Variants in CCSER2 observed in about 807,000 individuals in gnomAD.
The protein encoded by CCSER2 is coiled-coil serine rich protein 2.
A neutral mutation model predicts 92.3 loss-of-function variants in CCSER2; 46 were observed. The observed-to-expected ratio is 0.50, with a 90% CI of 0.39 to 0.64. The LOEUF (loss-of-function observed/expected upper bound fraction) is 0.64, where lower values mean the gene tolerates loss of function less well. CCSER2 is among the 30% of genes least tolerant of loss of function. The probability of loss-of-function intolerance (pLI) is 0.00; values close to 1 mark genes in which losing one functional copy is unlikely to be tolerated. For missense variants in CCSER2, 1,244 were observed against 1,238.9 expected (o/e 1.00, Z -0.06); for synonymous variants, 433 against 431.4 (o/e 1.00, Z -0.04).
intron 3 of CCSER2, among the ~76,000 whole-genome samples, chr10:84,412,036 C>T (rs568219463): frequency 8.9e-4 from 136 of 152,176 alleles, no homozygotes; most frequent in Non-Finnish European, 1.6e-3. Flanking sequence ...TGAATTTTAT[C>T]GAGGGTCTTT....
At chr10:84,392,844 C>T (rs890189037) in intron 3 of CCSER2, among the ~76,000 whole-genome samples, 3 of 151,888 alleles carry the variant, frequency 2.0e-5, no homozygotes, top group South Asian at 2.1e-4. Context: ...ATTAATGTAG[C>T]GGATATAATT....
intron 9 of CCSER2, among the ~76,000 whole-genome samples, chr10:84,501,335 G>T (rs1848707189): frequency 6.6e-6 from 1 of 152,154 alleles, no homozygotes; most frequent in Non-Finnish European, 1.5e-5. Flanking sequence ...AAACAGCAAG[G>T]TTTGAGATTT....
chr10:84,435,106 G>T (rs1844026551), intron 5 of CCSER2, among the ~76,000 whole-genome samples: 2 of 152,162 alleles, frequency 1.3e-5, no homozygotes, highest in South Asian at 4.1e-4. Flanking sequence ...GAATCTCATG[G>T]TGGAGGTATT....
intron 9 of CCSER2, among the ~76,000 whole-genome samples, chr10:84,485,255 G>A (rs1382312585): frequency 3.9e-5 from 6 of 152,070 alleles, no homozygotes; most frequent in African/African-American, 9.7e-5. Context: ...TATAACTTGT[G>A]TAGTAACTGT....
chr10:84,377,311 T>C (rs1372759820), intron 3 of CCSER2, among the ~76,000 whole-genome samples: 1 of 152,186 alleles, frequency 6.6e-6, no homozygotes, highest in East Asian at 1.9e-4. Flanking sequence ...CTAAAAGCAT[T>C]ATTTATTTTT....
intron 9 of CCSER2, among the ~76,000 whole-genome samples, chr10:84,482,044 G>A (rs569851703): frequency 6.6e-6 from 1 of 152,164 alleles, no homozygotes; most frequent in African/African-American, 2.4e-5. Context: ...AAGCAGCCCT[G>A]GACCTAATGA....
intron 5 of CCSER2, among the ~76,000 whole-genome samples, chr10:84,427,288 A>G (rs1288658587): frequency 3.3e-5 from 5 of 152,070 alleles, no homozygotes; most frequent in African/African-American, 4.8e-5. Context: ...TGAAACTCTC[A>G]ATCTTTGGGG....
intron 3 of CCSER2, chr10:84,391,691 A>G: frequency 6.6e-7 from 1 of 1,523,512 alleles, no homozygotes. Flanking sequence ...GAATACAGCA[A>G]TAACGATTGG....
intron 9 of CCSER2, among the ~76,000 whole-genome samples, chr10:84,478,299 T>C (rs1847272164): frequency 6.6e-6 from 1 of 152,192 alleles, no homozygotes; most frequent in Admixed American, 6.5e-5. Context: ...TAGTGCAGGA[T>C]GTGTGTGAGC....
At chr10:84,457,533 A>G (rs1180829575) in intron 6 of CCSER2, among the ~76,000 whole-genome samples, 1 of 119,344 alleles carries the variant, frequency 8.4e-6, no homozygotes, top group East Asian at 2.1e-4. Context: ...TAATATATGT[A>G]TAATTATATA....
chr10:84,408,829 T>TA (rs1458903517), intron 3 of CCSER2, among the ~76,000 whole-genome samples: 2 of 152,096 alleles, frequency 1.3e-5, no homozygotes, highest in Non-Finnish European at 2.9e-5. Flanking sequence ...GTTTCACACA[T>TA]ACTCAGACAC....
rs1424390811 is a variant in CCSER2, at chr10:84,349,205, T to A, written c.-40+20397T>A. 2.6e-5 allele frequency among the ~76,000 whole-genome samples: 4 copies of A among 152,346 alleles called. No homozygotes were observed. The South Asian group carries it at 6.2e-4, about 24-fold the overall frequency. On this transcript the variant is annotated intron_variant, in intron 1 of 9. Coordinates refer to ENST00000372088, the MANE Select transcript of CCSER2 (RefSeq NM_001284240.2). The stretch of plus-strand genomic sequence containing the variant: ...TGGTGACTTAAAGTTGGATTCCTGT[T>A]TTGATCCACATCCATGCCTCCCACA...
intron 9 of CCSER2, among the ~76,000 whole-genome samples, chr10:84,494,977 C>CT (rs770775993): frequency 1.5e-3 from 180 of 122,578 alleles, no homozygotes; most frequent in Middle Eastern, 4.2e-3. Flanking sequence ...CTGATGTCTG[C>CT]TTTTTTTTTT....
At chr10:84,466,752 A>G (rs2133689743) in intron 7 of CCSER2, among the ~76,000 whole-genome samples, 1 of 150,790 alleles carries the variant, frequency 6.6e-6, no homozygotes, top group Non-Finnish European at 1.5e-5. Context: ...TGACCTCGTG[A>G]TCCGTCCGCC....
intron 1 of CCSER2, among the ~76,000 whole-genome samples, chr10:84,359,387 A>G (rs1438494091): frequency 2.0e-5 from 3 of 152,136 alleles, no homozygotes; most frequent in Non-Finnish European, 4.4e-5. Context: ...TAATTACGAT[A>G]ATAGGGGTTA....
chr10:84,424,281 T>TAAA (rs1244434863), intron 4 of CCSER2, among the ~76,000 whole-genome samples: 18 of 141,438 alleles, frequency 1.3e-4, no homozygotes, highest in Admixed American at 1.2e-3. Context: ...TAACTGAACT[T>TAAA]AAAAAAAAAA....
chr10:84,447,802 G>A (rs779161742), intron 6 of CCSER2, among the ~76,000 whole-genome samples: 3 of 152,018 alleles, frequency 2.0e-5, no homozygotes, highest in Non-Finnish European at 2.9e-5. Flanking sequence ...TGAAGAGTTC[G>A]TTTCTTTTGT....
rs1198483875 is a variant in CCSER2, at chr10:84,335,226, CTCTTTTTTTTTTT to C, written c.-40+6420_-40+6432del. Among the ~76,000 whole-genome samples the C allele has an allele frequency of 2.6e-3, 244 of 95,078 alleles. 4 individuals are homozygous for C. Among genetic ancestry groups the C allele is most frequent in the Middle Eastern group, 0.021 (3 of 140 alleles). The allele number at this position is 95,078 out of a possible 152,430, so 62.4% of individuals were successfully genotyped here. A position where few individuals can be genotyped will look rare whatever the true frequency, so the allele number is the denominator to read the frequency against. On this transcript the variant is annotated intron_variant, in intron 1 of 9. Coordinates refer to ENST00000372088, the MANE Select transcript of CCSER2 (RefSeq NM_001284240.2). ...TCCCCAGCATTCTACTTCTCTCTCT[CTCTTTTTTTTTTT>C]TTTTTTTTTTTTGAGACAGGGTCTC...
At chr10:84,336,276 C>G (rs1843831733) in intron 1 of CCSER2, among the ~76,000 whole-genome samples, 1 of 152,068 alleles carries the variant, frequency 6.6e-6, no homozygotes, top group Admixed American at 6.5e-5. Context: ...CGAGCACTTG[C>G]TAGGAATAGT....
Sources: gnomAD v4.1 joint callset for allele counts (sites outside exome capture counted in the v4.1 genomes callset) on GRCh38, gnomAD v4.1.1 for gene constraint, MANE v1.5 for transcripts, NCBI Gene and HGNC (gene_info 2026-07-23, HGNC 2026-07-21) for gene names.